NRG1: variants seen among roughly 807,000 people sequenced by gnomAD.
The protein encoded by NRG1 is neuregulin 1.
A neutral mutation model predicts 63.8 loss-of-function variants in NRG1; 18 were observed. That is an observed-to-expected ratio of 0.28 (90% CI 0.19 to 0.42). NRG1 has a LOEUF of 0.42. NRG1 is among the 10% of genes least tolerant of loss of function. The pLI is 1.00. For synonymous variants in NRG1, 302 were observed against 301.3 expected, an observed-to-expected ratio of 1.00 and a Z score of -0.02; for missense variants, 762 against 814.7, an observed-to-expected ratio of 0.94 and a Z score of 0.79.
chr8:32,486,108 A>G (rs905029874), intron 1 of NRG1, among the ~76,000 whole-genome samples: 7 of 151,588 alleles, frequency 4.6e-5, no homozygotes, highest in African/African-American at 1.7e-4. Flanking sequence ...AATTTTTTAT[A>G]TTTTTAGTAG....
intron 1 of NRG1, among the ~76,000 whole-genome samples, chr8:31,733,396 C>G (rs75808262): frequency 0.011 from 1,661 of 152,226 alleles, 19 homozygotes; most frequent in Non-Finnish European, 0.017. Flanking sequence ...TTTACAAAAT[C>G]CTGCCACTGT....
intron 1 of NRG1, among the ~76,000 whole-genome samples, chr8:31,646,761 T>C (rs150424908): frequency 6.6e-6 from 1 of 152,354 alleles, no homozygotes; most frequent in Non-Finnish European, 1.5e-5. Context: ...TGGAAATCAC[T>C]GTTCTAGCCT....
At chr8:32,516,989 T>G (rs199919484) in intron 1 of NRG1, among the ~76,000 whole-genome samples, 1 of 48,254 alleles carries the variant, frequency 2.1e-5, no homozygotes, top group Non-Finnish European at 6.0e-5. Context: ...ATGACTTTAT[T>G]AAGGATCTCT....
At chr8:32,557,873 T>C (rs939283407) in intron 1 of NRG1, among the ~76,000 whole-genome samples, 16 of 152,234 alleles carry the variant, frequency 1.1e-4, no homozygotes, top group Admixed American at 9.2e-4. Context: ...GGGAGACTTA[T>C]GTCTTGAGGG....
chr8:31,786,027 A>G (rs1716524617), intron 1 of NRG1, among the ~76,000 whole-genome samples: 1 of 152,248 alleles, frequency 6.6e-6, no homozygotes, highest in South Asian at 2.1e-4. Flanking sequence ...TGTATACAAA[A>G]CAAGAAATCA....
At chr8:32,230,651 T>C (rs564767248) in intron 1 of NRG1, among the ~76,000 whole-genome samples, 1 of 152,234 alleles carries the variant, frequency 6.6e-6, no homozygotes, top group South Asian at 2.1e-4. Flanking sequence ...TGGAGTCACG[T>C]CATTGCAGTA....
intron 1 of NRG1, among the ~76,000 whole-genome samples, chr8:31,805,371 T>C (rs998122424): frequency 6.6e-6 from 1 of 152,014 alleles, no homozygotes; most frequent in African/African-American, 2.4e-5. Context: ...TATCATGAAA[T>C]TGGAGATTTT....
chr8:31,957,985 A>C (rs1051825811), intron 1 of NRG1, among the ~76,000 whole-genome samples: 3 of 152,146 alleles, frequency 2.0e-5, no homozygotes, highest in Non-Finnish European at 2.9e-5. Flanking sequence ...CAGGAAGATT[A>C]AATCTGTATC....
chr8:31,704,780 C>A (rs1410864189), intron 1 of NRG1, among the ~76,000 whole-genome samples: 7 of 148,786 alleles, frequency 4.7e-5, no homozygotes, highest in African/African-American at 1.7e-4. Flanking sequence ...TGCAGTGAGC[C>A]GAGATAGTGC....
At chr8:32,547,420 T>G (rs111696616), upstream of NRG1, among the ~76,000 whole-genome samples, 118 of 152,282 alleles carry the variant, frequency 7.7e-4, 2 homozygotes, top group East Asian at 0.013. Flanking sequence ...TGAGTGACTT[T>G]CAGCGGCTGC....
intron 1 of NRG1, among the ~76,000 whole-genome samples, chr8:31,657,152 G>T (rs1805506997): frequency 6.6e-6 from 1 of 152,154 alleles, no homozygotes; most frequent in Non-Finnish European, 1.5e-5. Context: ...GAATGATTTT[G>T]AATTTCCTGT....
intron 5 of NRG1, among the ~76,000 whole-genome samples, chr8:32,697,404 G>T (rs1204719321): frequency 6.6e-6 from 1 of 152,140 alleles, no homozygotes; most frequent in East Asian, 1.9e-4. Flanking sequence ...TTTTTAGCTT[G>T]AACAAATTAG....
chr8:32,044,197 C>T (rs1398722112), intron 1 of NRG1, among the ~76,000 whole-genome samples: 1 of 151,738 alleles, frequency 6.6e-6, no homozygotes, highest in African/African-American at 2.4e-5. Context: ...AGGAAAATGA[C>T]TGGGAATAAA....
intron 5 of NRG1, among the ~76,000 whole-genome samples, chr8:32,617,968 A>G (rs1847680149): frequency 6.6e-6 from 1 of 152,182 alleles, no homozygotes; most frequent in South Asian, 2.1e-4. Flanking sequence ...TTTTAACTAC[A>G]TAAAGCGTCA....
At chr8:32,487,799 A>G (rs1365678442) in intron 1 of NRG1, among the ~76,000 whole-genome samples, 2 of 152,198 alleles carry the variant, frequency 1.3e-5, no homozygotes, top group Non-Finnish European at 2.9e-5. Flanking sequence ...TAAAGAGAGC[A>G]GGTCTACTCA....
chr8:31,935,264 ACAC>A lies in NRG1; in HGVS notation c.37+295840_37+295842del, dbSNP rs573536204. On this transcript the variant is annotated intron_variant, in intron 1 of 10. Transcript: ENST00000519301. ...CCCAAGTAGCTAGGACCACAGACAC[ACAC>A]CACCACACCCAGCTAATTTTTAAAA... Among the ~76,000 whole-genome samples, 88 of 151,674 alleles carry A rather than the reference ACAC, an allele frequency of 5.8e-4. No homozygotes were observed. In the Middle Eastern group the frequency reaches 0.01, roughly 18 times the overall value.
At chr8:32,402,488 C>T (rs957124106) in intron 1 of NRG1, among the ~76,000 whole-genome samples, 5 of 152,096 alleles carry the variant, frequency 3.3e-5, no homozygotes, top group Admixed American at 2.0e-4. Context: ...TGAAATCTTG[C>T]CCTGTCCCAC....
chr8:31,723,732 A>G (rs1175742205), intron 1 of NRG1, among the ~76,000 whole-genome samples: 5 of 152,058 alleles, frequency 3.3e-5, no homozygotes, highest in African/African-American at 9.7e-5. Flanking sequence ...CTTTAAATGT[A>G]TTTTCTTACT....
chr8:32,377,404 C>T (rs1387859979), intron 1 of NRG1, among the ~76,000 whole-genome samples: 1 of 152,172 alleles, frequency 6.6e-6, no homozygotes, highest in Non-Finnish European at 1.5e-5. Context: ...AGTTATGCTA[C>T]TTGTATCTAA....
Sources: gnomAD v4.1 joint callset for allele counts (sites outside exome capture counted in the v4.1 genomes callset) on GRCh38, gnomAD v4.1.1 for gene constraint, MANE v1.5 for transcripts, NCBI Gene and HGNC (gene_info 2026-07-23, HGNC 2026-07-21) for gene names.